The following SH3RF1 variants were observed in gnomAD, a reference collection of about 807,000 sequenced individuals.
The protein encoded by SH3RF1 is E3 ubiquitin-protein ligase SH3RF1.
In SH3RF1, 32 loss-of-function variants were observed where a neutral mutation model predicts 74.0. That is an observed-to-expected ratio of 0.43 (90% CI 0.33 to 0.58). The LOEUF (loss-of-function observed/expected upper bound fraction) is 0.58, where lower values mean the gene tolerates loss of function less well. Among genes scored for constraint, SH3RF1 ranks in the 20% least tolerant of loss-of-function variants. The pLI, the probability that SH3RF1 is intolerant of heterozygous loss-of-function variation, is 0.05. For synonymous variants in SH3RF1, 396 were observed against 439.6 expected (o/e 0.90, Z 1.24); for missense variants, 954 against 1,130.9 (o/e 0.84, Z 2.24).
chr4:169,153,718 T>C (rs1429971141), intron 4 of SH3RF1, among the ~76,000 whole-genome samples: 3 of 152,190 alleles, frequency 2.0e-5, no homozygotes, highest in Admixed American at 6.5e-5. Context: ...GAAATGTTCA[T>C]AGGCTCCTAA....
chr4:169,222,423 C>T (rs1730581844), intron 2 of SH3RF1, among the ~76,000 whole-genome samples: 1 of 151,654 alleles, frequency 6.6e-6, no homozygotes, highest in South Asian at 2.1e-4. Flanking sequence ...TGAGATTGCA[C>T]CACTACACTC....
chr4:169,114,050 C>A (rs1270677944), intron 10 of SH3RF1, among the ~76,000 whole-genome samples: 1 of 152,090 alleles, frequency 6.6e-6, no homozygotes, highest in Non-Finnish European at 1.5e-5. Flanking sequence ...GGGGCACGCA[C>A]CTAGGCAGAA....
chr4:169,226,479 C>A (rs943655618), intron 2 of SH3RF1, among the ~76,000 whole-genome samples: 2 of 150,764 alleles, frequency 1.3e-5, no homozygotes, highest in African/African-American at 2.4e-5. Flanking sequence ...TTTGAGGGAG[C>A]CTGATTTAAA....
chr4:169,209,940 T>A (rs984638748), intron 2 of SH3RF1, among the ~76,000 whole-genome samples: 4 of 152,000 alleles, frequency 2.6e-5, no homozygotes, highest in African/African-American at 9.7e-5. Context: ...CAGGCACGCA[T>A]CACCACACCC....
intron 2 of SH3RF1, among the ~76,000 whole-genome samples, chr4:169,159,441 C>A (rs1161788082): frequency 6.6e-6 from 1 of 152,142 alleles, no homozygotes; most frequent in Non-Finnish European, 1.5e-5. Context: ...ATCTCTTGTA[C>A]AATAGCTAAA....
rs60138795 is a variant in SH3RF1 at position 169,219,598 on chromosome 4, C to G, written c.393+49222G>C. ...TATTTGAGGGATGGTGTATAAGGAGCAGCTTGTGTTTGTTCTTCCTTGTCT... is the reference window on the plus strand; with the variant it reads ...TATTTGAGGGATGGTGTATAAGGAGGAGCTTGTGTTTGTTCTTCCTTGTCT... On this transcript the variant is annotated intron_variant, in intron 2 of 11. Transcript: ENST00000284637. 7.6e-3 allele frequency among the ~76,000 whole-genome samples: 1,158 copies of G among 152,282 alleles called. 17 individuals are homozygous for G. The highest frequency in any genetic ancestry group is 0.027 in the African/African-American group (1,118 of 41,568).
intron 2 of SH3RF1, among the ~76,000 whole-genome samples, chr4:169,218,301 A>AG (rs1182094140): frequency 1.0e-5 from 1 of 96,680 alleles, no homozygotes; most frequent in Admixed American, 1.4e-4. Context: ...TATATAATAT[A>AG]AATATAGAAT....
chr4:169,232,328 G>A (rs1402632413), intron 2 of SH3RF1, among the ~76,000 whole-genome samples: 1 of 152,204 alleles, frequency 6.6e-6, no homozygotes, highest in Non-Finnish European at 1.5e-5. Context: ...CTAGAAACAG[G>A]TAGACCAAGT....
At chr4:169,198,487 T>TTA (rs1348299929) in intron 2 of SH3RF1, among the ~76,000 whole-genome samples, 1 of 152,200 alleles carries the variant, frequency 6.6e-6, no homozygotes, top group African/African-American at 2.4e-5. Context: ...TTTTTGCTTT[T>TTA]TATATTATGC....
At chr4:169,251,353 TGTTA>T (rs1731101792) in intron 2 of SH3RF1, among the ~76,000 whole-genome samples, 1 of 152,228 alleles carries the variant, frequency 6.6e-6, no homozygotes, top group Admixed American at 6.5e-5. Context: ...TCAGTGACTT[TGTTA>T]GTCAGAATAA....
intron 11 of SH3RF1, among the ~76,000 whole-genome samples, chr4:169,097,379 A>G (rs1195233100): frequency 6.6e-6 from 1 of 152,200 alleles, no homozygotes; most frequent in East Asian, 1.9e-4. Flanking sequence ...AACGAGGTTG[A>G]CATTCTCATC....
intron 2 of SH3RF1, among the ~76,000 whole-genome samples, chr4:169,214,510 C>T (rs1730430469): frequency 6.6e-6 from 1 of 152,134 alleles, no homozygotes; most frequent in African/African-American, 2.4e-5. Context: ...ATCTATAGAT[C>T]AAGTTGGGAA....
At chr4:169,240,140 T>G (rs563674591) in intron 2 of SH3RF1, among the ~76,000 whole-genome samples, 1 of 152,326 alleles carries the variant, frequency 6.6e-6, no homozygotes, top group South Asian at 2.1e-4. Context: ...AATCAACTTT[T>G]CAAAAGTCAA....
intron 4 of SH3RF1, among the ~76,000 whole-genome samples, chr4:169,144,868 T>A (rs976390445): frequency 6.6e-6 from 1 of 152,120 alleles, no homozygotes; most frequent in African/African-American, 2.4e-5. Context: ...GGGATCGTAC[T>A]AGTTGGTGAT....
chr4:169,107,341 G>T, intron 10 of SH3RF1, 136 bp from the exon 11 acceptor site: 1 of 635,460 alleles, frequency 1.6e-6, no homozygotes, highest in Non-Finnish European at 2.5e-6. Flanking sequence ...GGTATATGGG[G>T]CCTTATGGTT....
Position 169,122,130 on chromosome 4 carries a change from G to A in SH3RF1, c.1316C>T (p.Ala439Val), listed in dbSNP as rs752475259. Residue 439 changes from alanine (A) to valine (V), a missense_variant, in exon 7 of 12, where the codon GCA (alanine) becomes GTA (valine). By Grantham distance (64) the Ala-to-Val change is moderately conservative (BLOSUM62 0). Transcript: ENST00000284637. ...RPMAGSTDQI[A>V]HLRPQTRPSV... ...GGGGCGAGTCTGCGGCCGTAAATGT[G>A]CAATCTGGTCAGTGGATCCTGCCAT... is the stretch of plus-strand genomic sequence containing the variant. 1.9e-6 allele frequency: 3 copies of A among 1,612,996 alleles called. No individual in the cohort carries two copies. The South Asian group carries it at 3.3e-5, about 18-fold the overall frequency.
At chr4:169,118,758 G>A (rs909405357) in intron 8 of SH3RF1, among the ~76,000 whole-genome samples, 8 of 152,094 alleles carry the variant, frequency 5.3e-5, no homozygotes, top group African/African-American at 9.7e-5. Context: ...CGCCTAGCTG[G>A]TGTATTATTT....
At chr4:169,108,309 G>A (rs766023202) in intron 10 of SH3RF1, among the ~76,000 whole-genome samples, 9 of 152,190 alleles carry the variant, frequency 5.9e-5, no homozygotes, top group Non-Finnish European at 1.2e-4. Flanking sequence ...GACCTGCTGA[G>A]GAATTTTTCT....
At position 169,229,071 on chromosome 4, in the gene SH3RF1, AGTTTACAGG is replaced by A. The variant is rs1165850999; in HGVS notation, c.393+39740_393+39748del. On this transcript the variant is annotated intron_variant, in intron 2 of 11. Coordinates refer to ENST00000284637, the MANE Select transcript of SH3RF1 (RefSeq NM_020870.4). ...AGTCTCACCAGGAAAGAGCTCTTTT[AGTTTACAGG>A]GTTTGATACGTAATATAATCATACT... 7.2e-5 allele frequency among the ~76,000 whole-genome samples: 11 copies of A among 152,262 alleles called. No individual in the cohort carries two copies. The East Asian group carries it at 2.1e-3, about 29-fold the overall frequency.
Sources: allele counts gnomAD v4.1 joint callset (sites outside exome capture counted in the v4.1 genomes callset), GRCh38; gene constraint gnomAD v4.1.1; transcripts MANE v1.5; gene names NCBI Gene and HGNC (gene_info 2026-07-23, HGNC 2026-07-21).